The following BTF3L4 variants were observed in gnomAD, a reference collection of about 807,000 sequenced individuals.
The protein encoded by BTF3L4 is transcription factor BTF3 homolog 4.
A neutral mutation model predicts 16.8 loss-of-function variants in BTF3L4; 6 were observed. That is an observed-to-expected ratio of 0.36 (90% CI 0.20 to 0.71). The LOEUF (loss-of-function observed/expected upper bound fraction) is 0.71, where lower values mean the gene tolerates loss of function less well. Among genes scored for constraint, BTF3L4 ranks in the 30% least tolerant of loss-of-function variants. The pLI is 0.58. For synonymous variants in BTF3L4, 39 were observed against 59.8 expected (o/e 0.65, Z 1.60); for missense variants, 92 against 186.9 (o/e 0.49, Z 2.96).
intron 2 of BTF3L4, among the ~76,000 whole-genome samples, chr1:52,062,086 G>T (rs1289915830): frequency 6.6e-6 from 1 of 151,170 alleles, no homozygotes; most frequent in Admixed American, 6.6e-5. Flanking sequence ...ATAGGCACCC[G>T]CCAGCATGCC....
chr1:52,070,598 A>G (rs143704212), intron 3 of BTF3L4, among the ~76,000 whole-genome samples: 2 of 147,962 alleles, frequency 1.4e-5, no homozygotes, highest in East Asian at 2.0e-4. Flanking sequence ...GGGGTTTCAG[A>G]GACAGTTTCA....
In BTF3L4 at chr1:52,059,873, T is replaced by G. The variant is rs1024536746; in HGVS notation, c.26T>G (p.Leu9Arg). The G allele has an allele frequency of 6.2e-7, 1 of 1,613,310 alleles. No individual in the cohort carries two copies. The highest frequency in any genetic ancestry group is 8.5e-7 in the Non-Finnish European group (1 of 1,179,644). MNQEKLAK[L>R]QAQVRIGGKG... ...ATGAATCAAGAAAAGTTAGCCAAACTTCAGGCTCAGGTCCGGATAGGGGGC... is the reference window on the plus strand; with the variant it reads ...ATGAATCAAGAAAAGTTAGCCAAACGTCAGGCTCAGGTCCGGATAGGGGGC... Residue 9 changes from leucine to arginine, a missense_variant, in exon 2 of 6, where the codon CTT (leucine) becomes CGT (arginine). Leu to Arg is a moderately radical substitution (Grantham distance 102). Transcript: ENST00000313334.
intron 3 of BTF3L4, among the ~76,000 whole-genome samples, chr1:52,073,792 G>A (rs572132261): frequency 6.6e-6 from 1 of 150,406 alleles, no homozygotes; most frequent in Non-Finnish European, 1.5e-5. Context: ...GAGGTCAGGA[G>A]TTCAAGACCA....
At chr1:52,084,767 G>C (rs1387030136) in intron 4 of BTF3L4, among the ~76,000 whole-genome samples, 1 of 8,572 alleles carries the variant, frequency 1.2e-4, no homozygotes, top group Admixed American at 1.6e-3. Context: ...CTTCAACCTG[G>C]GTGACAGAGG....
chr1:52,065,618 C>A (rs375517981), intron 3 of BTF3L4, among the ~76,000 whole-genome samples: 40 of 152,228 alleles, frequency 2.6e-4, no homozygotes, highest in African/African-American at 8.9e-4. Context: ...TAGAGGTAGA[C>A]TTTTTTACCC....
Position 52,070,304 on chromosome 1 carries a change from TATAATA to T in BTF3L4, c.168+5367_168+5372del, listed in dbSNP as rs1432117931. On this transcript the variant is annotated intron_variant, in intron 3 of 5. Coordinates refer to ENST00000313334, the MANE Select transcript of BTF3L4 (RefSeq NM_152265.5). ...TTGATTTGGTATAATAGTTCATTGG[TATAATA>T]GTTCATTTGGTATAATAGTTCATTT... Among the ~76,000 whole-genome samples the T allele has an allele frequency of 5.5e-3, 16 of 2,910 alleles. 1 individual carries two copies. In the South Asian group the frequency reaches 0.41, roughly 75 times the overall value. The allele number at this position is 2,910 out of a possible 152,430, so 1.9% of individuals were successfully genotyped here.
intron 3 of BTF3L4, among the ~76,000 whole-genome samples, chr1:52,073,333 C>G (rs1399191852): frequency 2.0e-5 from 3 of 151,970 alleles, no homozygotes; most frequent in Non-Finnish European, 4.4e-5. Flanking sequence ...GATATTGCCA[C>G]TGTAGGAAAT....
chr1:52,060,544 T>C (rs1320389146), intron 2 of BTF3L4: 3 of 1,224,266 alleles, frequency 2.5e-6, no homozygotes, highest in Admixed American at 2.4e-5. Flanking sequence ...ACTGAAGTCT[T>C]TGATTCTCTT....
At chr1:52,057,562 A>T (rs1477364307) in intron 1 of BTF3L4, among the ~76,000 whole-genome samples, 1 of 152,238 alleles carries the variant, frequency 6.6e-6, no homozygotes, top group Non-Finnish European at 1.5e-5. Flanking sequence ...GACATCACAG[A>T]TAGGAATGAT....
chr1:52,078,365 G>T (rs1346444162), intron 3 of BTF3L4, among the ~76,000 whole-genome samples: 1 of 151,638 alleles, frequency 6.6e-6, no homozygotes, highest in Non-Finnish European at 1.5e-5. Context: ...GCCCAGCCAT[G>T]ATTTTAGAAT....
In BTF3L4 at chr1:52,087,167, T is replaced by C. The variant is rs1200555416; in HGVS notation, c.*409T>C. 6.4e-6 allele frequency: 1 copy of C among 155,956 alleles called. No homozygotes were observed. The highest frequency in any genetic ancestry group is 1.4e-5 in the Non-Finnish European group (1 of 70,354). 9.7% of individuals were successfully genotyped at this position (155,956 alleles called of 1,614,324 possible). On this transcript the variant is annotated 3_prime_UTR_variant, in exon 6 of 6. Coordinates refer to ENST00000313334, the MANE Select transcript of BTF3L4 (RefSeq NM_152265.5). ...AAAAAATCTTTACATTTGTTACTTT[T>C]CTTTTCCCCCCGTAAGACACAGAAT...
At chr1:52,084,131 ATTTT>A (rs919841435) in intron 4 of BTF3L4, among the ~76,000 whole-genome samples, 1 of 151,792 alleles carries the variant, frequency 6.6e-6, no homozygotes, top group African/African-American at 2.4e-5. Flanking sequence ...ATTTTATTTT[ATTTT>A]ATTTCATTTT....
In BTF3L4 at chr1:52,070,786, C is replaced by T. The variant is rs571975029; in HGVS notation, c.168+5848C>T. On this transcript the variant is annotated intron_variant, in intron 3 of 5. Transcript: ENST00000313334. ...CTGAGTGGCTGGGATTATAGGCGCACCACCACATCTGGCTAATTTTTATAT... is the reference window on the plus strand; with the variant it reads ...CTGAGTGGCTGGGATTATAGGCGCATCACCACATCTGGCTAATTTTTATAT... 3.9e-4 allele frequency among the ~76,000 whole-genome samples: 59 copies of T among 151,638 alleles called. 1 individual carries two copies. In the South Asian group the frequency reaches 0.012, roughly 30 times the overall value.
chr1:52,075,607 A>C (rs1402039942), intron 3 of BTF3L4, among the ~76,000 whole-genome samples: 1 of 146,156 alleles, frequency 6.8e-6, no homozygotes, highest in East Asian at 2.1e-4. Flanking sequence ...TAGTAATTAT[A>C]TATTATATGT....
At chr1:52,061,771 G>C (rs1166143364) in intron 2 of BTF3L4, among the ~76,000 whole-genome samples, 1 of 145,796 alleles carries the variant, frequency 6.9e-6, no homozygotes, top group Non-Finnish European at 1.5e-5. Flanking sequence ...CTCCTGAGTA[G>C]CTGGGATTAC....
chr1:52,076,733 T>A (rs901925505), intron 3 of BTF3L4, among the ~76,000 whole-genome samples: 1 of 152,230 alleles, frequency 6.6e-6, no homozygotes, highest in African/African-American at 2.4e-5. Context: ...GATGCTGAGC[T>A]AGAATTGAAT....
At chr1:52,077,902 G>A (rs1686971318) in intron 3 of BTF3L4, among the ~76,000 whole-genome samples, 1 of 152,086 alleles carries the variant, frequency 6.6e-6, no homozygotes, top group Admixed American at 6.6e-5. Flanking sequence ...AATTCTGGAG[G>A]GTAGGTTGGG....
In BTF3L4 at chr1:52,056,659, C is replaced by T. The variant is rs572561377; in HGVS notation, c.-14+280C>T. ...TGTCCCAGGAGGCAGGTGGACGCCCCTCCTCTGTTCCATTACTCCTTGCTC... is the reference window on the plus strand; with the variant it reads ...TGTCCCAGGAGGCAGGTGGACGCCCTTCCTCTGTTCCATTACTCCTTGCTC... On this transcript the variant is annotated intron_variant, in intron 1 of 5. Coordinates refer to ENST00000313334, the MANE Select transcript of BTF3L4 (RefSeq NM_152265.5). Among the ~76,000 whole-genome samples, 4 of 152,392 alleles carry T rather than the reference C, an allele frequency of 2.6e-5. 1 individual carries two copies. The South Asian group carries it at 8.3e-4, about 32-fold the overall frequency.
rs2124454366 is a variant in BTF3L4 at position 52,089,826 on chromosome 1, G to T, written c.*3068G>T. On this transcript the variant is annotated 3_prime_UTR_variant, in exon 6 of 6. Coordinates refer to ENST00000313334, the MANE Select transcript of BTF3L4 (RefSeq NM_152265.5). ...AAGTAATGGTTTAAGAATATATCAAGCACCTTAATTTGTTGTTAAGTAGCT... is the reference window on the plus strand; with the variant it reads ...AAGTAATGGTTTAAGAATATATCAATCACCTTAATTTGTTGTTAAGTAGCT... 1 of 152,146 alleles carries T rather than the reference G, an allele frequency of 6.6e-6. No homozygotes were observed. The highest frequency in any genetic ancestry group is 1.9e-4 in the East Asian group (1 of 5,184). The allele number at this position is 152,146 out of a possible 1,614,324, so 9.4% of individuals were successfully genotyped here.
Sources: allele counts gnomAD v4.1 joint callset (sites outside exome capture counted in the v4.1 genomes callset), GRCh38; gene constraint gnomAD v4.1.1; transcripts MANE v1.5; gene names NCBI Gene and HGNC (gene_info 2026-07-23, HGNC 2026-07-21).